Variants in CD44 observed in about 807,000 individuals in gnomAD.
CD44 encodes CD44 antigen.
CD44 carries 49 observed loss-of-function variants against 88.8 expected under a neutral mutation model. That is an observed-to-expected ratio of 0.55 (90% CI 0.44 to 0.70). The LOEUF (loss-of-function observed/expected upper bound fraction) is 0.70, where lower values mean the gene tolerates loss of function less well. Among genes scored for constraint, CD44 ranks in the 30% least tolerant of loss-of-function variants. The pLI is 0.00. For missense variants in CD44, 883 were observed against 913.8 expected (o/e 0.97, Z 0.43); for synonymous variants, 325 against 312.3 (o/e 1.04, Z -0.43).
chr11:35,210,977 G>GCCT (rs1948337601), intron 13 of CD44, among the ~76,000 whole-genome samples: 1 of 152,222 alleles, frequency 6.6e-6, no homozygotes, highest in East Asian at 1.9e-4. Context: ...TAGTGACATA[G>GCCT]CCTTACCTAA....
chr11:35,157,816 C>A (rs774067333), intron 1 of CD44, among the ~76,000 whole-genome samples: 1 of 152,172 alleles, frequency 6.6e-6, no homozygotes, highest in Non-Finnish European at 1.5e-5. Flanking sequence ...AACATTTTTC[C>A]TCTAGAGACA....
intron 5 of CD44, 86 bp downstream of exon 5, chr11:35,190,151 C>CTGAT: frequency 8.6e-7 from 1 of 1,161,070 alleles, no homozygotes. Context: ...CACTCACGTG[C>CTGAT]TGATTTTCTC....
chr11:35,204,855 C>T (rs1333283934), intron 10 of CD44: 59 of 476,672 alleles, frequency 1.2e-4, no homozygotes, highest in Non-Finnish European at 8.7e-5. Flanking sequence ...TGAATAAGAA[C>T]AGGAAACACA....
At chr11:35,192,398 G>A (rs543818398) in intron 5 of CD44, among the ~76,000 whole-genome samples, 1 of 152,342 alleles carries the variant, frequency 6.6e-6, no homozygotes, top group African/African-American at 2.4e-5. Context: ...TATTTCTAAA[G>A]TCCAGTGAGG....
intron 17 of CD44, among the ~76,000 whole-genome samples, chr11:35,222,064 C>A (rs1949345130): frequency 6.6e-6 from 1 of 152,204 alleles, no homozygotes; most frequent in South Asian, 2.1e-4. Flanking sequence ...TAGGGTTAAA[C>A]CTCATGCAGA....
At chr11:35,218,204 C>G (rs1948995960) in intron 15 of CD44, among the ~76,000 whole-genome samples, 1 of 152,274 alleles carries the variant, frequency 6.6e-6, no homozygotes, top group African/African-American at 2.4e-5. Context: ...TTTTGTTCAT[C>G]TCCTTATTTT....
chr11:35,226,110 T>C (rs1949675087), intron 17 of CD44, among the ~76,000 whole-genome samples: 1 of 152,218 alleles, frequency 6.6e-6, no homozygotes, highest in African/African-American at 2.4e-5. Context: ...TTTATGAGAA[T>C]CATCCTACCC....
rs555418232 is a variant in CD44 at position 35,219,456 on chromosome 11, G to A, written c.1945+69G>A. 9.4e-5 allele frequency: 105 copies of A among 1,117,846 alleles called. No individual in the cohort carries two copies. The South Asian group carries it at 1.0e-3, about 11-fold the overall frequency. 69.2% of individuals were successfully genotyped at this position (1,117,846 alleles called of 1,614,324 possible). On this transcript the variant is annotated intron_variant, in intron 16 of 17. Transcript: ENST00000428726. ...TTTCTCAGAATGTCCCAGCAAGGAC[G>A]AAGAGACTCATTTGAAAGCACATTC...
intron 9 of CD44, among the ~76,000 whole-genome samples, chr11:35,203,227 C>G: frequency 6.6e-6 from 1 of 151,986 alleles, no homozygotes; most frequent in Admixed American, 6.6e-5. Flanking sequence ...CTAACCCATT[C>G]CTATTTAGGC....
At chr11:35,179,322 C>A (rs1944766527) in intron 2 of CD44, among the ~76,000 whole-genome samples, 1 of 152,226 alleles carries the variant, frequency 6.6e-6, no homozygotes, top group Admixed American at 6.5e-5. Flanking sequence ...TGCACCACAG[C>A]TTCCCTTGCA....
rs141953333 is a variant in CD44 at position 35,208,207 on chromosome 11, G to A, written c.1516+1G>A. 285 of 1,596,246 alleles carry A rather than the reference G, an allele frequency of 1.8e-4. 1 individual carries two copies. The highest frequency in any genetic ancestry group is 1.5e-3 in the East Asian group (65 of 44,788). On this transcript the variant is annotated splice_donor_variant, in intron 12 of 17. Transcript: ENST00000428726. LOFTEE classifies it high-confidence loss of function. ...ACAGGACCTCTTTCAATGACAACGC[G>A]TAAGAATAACGATGCTCAGCCACTT... is the stretch of plus-strand genomic sequence containing the variant.
At chr11:35,169,819 A>G (rs374938891) in intron 1 of CD44, among the ~76,000 whole-genome samples, 1 of 152,202 alleles carries the variant, frequency 6.6e-6, no homozygotes, top group Admixed American at 6.5e-5. Context: ...GGGATCAGTG[A>G]TGGTTTATCC....
At chr11:35,148,908 C>A (rs547059215) in intron 1 of CD44, among the ~76,000 whole-genome samples, 83 of 152,216 alleles carry the variant, frequency 5.5e-4, no homozygotes, top group African/African-American at 1.9e-3. Context: ...AATCTTCTTT[C>A]ATTTTTCTCT....
At chr11:35,206,374 A>G (rs1947840449) in intron 11 of CD44, 131 bp downstream of exon 11, 2 of 901,414 alleles carry the variant, frequency 2.2e-6, no homozygotes, top group Non-Finnish European at 3.2e-6. Context: ...GTTCTTCAAA[A>G]ATTAGTTTTC....
intron 5 of CD44, among the ~76,000 whole-genome samples, chr11:35,192,010 T>G (rs1304654904): frequency 6.6e-6 from 1 of 152,204 alleles, no homozygotes; most frequent in Non-Finnish European, 1.5e-5. Flanking sequence ...ATGCTAGGAA[T>G]TCAGAGTTGG....
rs1001219848 is a variant in CD44, at chr11:35,158,707, A to T, written c.68-17868A>T. Among the ~76,000 whole-genome samples the T allele has an allele frequency of 2.6e-5, 4 of 152,224 alleles. No homozygotes were observed. The East Asian group carries it at 7.7e-4, about 29-fold the overall frequency. On this transcript the variant is annotated intron_variant, in intron 1 of 17. Transcript: ENST00000428726. ...CCCATTTCTGGGAAAAACATTAGCC[A>T]ATAAACTCTCATTGAATTTGGCAGG... is the stretch of plus-strand genomic sequence containing the variant.
At chr11:35,165,918 C>T (rs1943213061) in intron 1 of CD44, among the ~76,000 whole-genome samples, 1 of 152,168 alleles carries the variant, frequency 6.6e-6, no homozygotes, top group African/African-American at 2.4e-5. Context: ...CCTACCTCAA[C>T]TGTTACGAAA....
intron 7 of CD44, chr11:35,200,734 C>T (rs1947233411): frequency 3.7e-6 from 1 of 267,398 alleles, no homozygotes; most frequent in East Asian, 7.6e-5. Context: ...CTACAGACTG[C>T]ATGGATGGGC....
intron 1 of CD44, among the ~76,000 whole-genome samples, chr11:35,145,822 G>C (rs1469231805): frequency 2.0e-5 from 3 of 152,132 alleles, no homozygotes; most frequent in Non-Finnish European, 4.4e-5. Flanking sequence ...GGTCTCTTTG[G>C]GCAATTATCA....
Sources: allele counts gnomAD v4.1 joint callset (sites outside exome capture counted in the v4.1 genomes callset), GRCh38; gene constraint gnomAD v4.1.1; transcripts MANE v1.5; gene names NCBI Gene and HGNC (gene_info 2026-07-23, HGNC 2026-07-21).